ARHGEF2: variants seen among roughly 807,000 people sequenced by gnomAD.
ARHGEF2 encodes the protein Rho/Rac guanine nucleotide exchange factor 2, also known as rho guanine nucleotide exchange factor 2.
A neutral mutation model predicts 121.0 loss-of-function variants in ARHGEF2; 22 were observed. The ratio of observed to expected loss-of-function variants is 0.18; its 90% CI spans 0.13 to 0.26. ARHGEF2 has a LOEUF of 0.26. Ranked by LOEUF, ARHGEF2 falls within the 10% of genes least tolerant of loss-of-function variation. ARHGEF2 has a pLI of 1.00. For synonymous variants in ARHGEF2, 487 were observed against 530.0 expected (o/e 0.92, Z 1.11); for missense variants, 907 against 1,336.0 (o/e 0.68, Z 5.01).
At chr1:155,964,372 C>T (rs1167474201) in intron 7 of ARHGEF2, among the ~76,000 whole-genome samples, 1 of 151,326 alleles carries the variant, frequency 6.6e-6, no homozygotes, top group South Asian at 2.1e-4. Flanking sequence ...ACCTTATCAT[C>T]TCAAGCTGTG....
At chr1:155,949,949 G>C (rs1675082069) in intron 21 of ARHGEF2, among the ~76,000 whole-genome samples, 1 of 151,860 alleles carries the variant, frequency 6.6e-6, no homozygotes, top group South Asian at 2.1e-4. Flanking sequence ...TTGTAGAGAA[G>C]GTGGGTCTCA....
intron 11 of ARHGEF2, 84 bp from the exon 12 acceptor site, chr1:155,958,480 C>A (rs892766761): frequency 1.7e-6 from 2 of 1,160,222 alleles, no homozygotes; most frequent in South Asian, 1.3e-5. Flanking sequence ...CCAGGCTTAT[C>A]CCATCAGGTT....
intron 1 of ARHGEF2, among the ~76,000 whole-genome samples, chr1:155,971,514 A>G (rs1680451398): frequency 7.3e-6 from 1 of 136,254 alleles, no homozygotes; most frequent in African/African-American, 2.6e-5. Context: ...GGGAGGTTGG[A>G]GGTTGTGGTG....
intron 14 of ARHGEF2, 42 bp from the exon 15 acceptor site, chr1:155,952,870 G>T (rs749246385): frequency 6.2e-7 from 1 of 1,601,692 alleles, no homozygotes; most frequent in South Asian, 1.1e-5. Context: ...GGACGTAGGG[G>T]TATGCAAGAG....
intron 14 of ARHGEF2, 47 bp from the exon 15 acceptor site, chr1:155,952,875 C>T: frequency 6.3e-7 from 1 of 1,593,768 alleles, no homozygotes; most frequent in Non-Finnish European, 8.6e-7. Flanking sequence ...TAGGGGTATG[C>T]AAGAGCGCCA....
Position 155,965,217 on chromosome 1 carries a change from G to GTCCT in ARHGEF2, c.580+82_580+85dup. ...CCTTCTCTAGATCCCTTCCCTCCTT[G>GTCCT]TCCTTCCAGGCTACTCCCACCAGCC... is the stretch of plus-strand genomic sequence containing the variant. On this transcript the variant is annotated intron_variant, in intron 6 of 21. Coordinates refer to ENST00000361247, the MANE Select transcript of ARHGEF2 (RefSeq NM_001162383.2). The surrounding 1 kb of genome is among the most constrained non-coding windows in gnomAD (Gnocchi z 6.0). 6.2e-7 allele frequency: 1 copy of GTCCT among 1,606,642 alleles called. No individual in the cohort carries two copies. The highest frequency in any genetic ancestry group is 1.7e-5 in the Admixed American group (1 of 59,732).
chr1:155,976,689 A>G (rs1681353736), intron 1 of ARHGEF2, among the ~76,000 whole-genome samples: 1 of 136,928 alleles, frequency 7.3e-6, no homozygotes, highest in African/African-American at 2.7e-5. Flanking sequence ...GTGGAACCAA[A>G]TTTCTGCGGT....
Position 155,962,272 on chromosome 1 carries a change from G to C in ARHGEF2, c.1102-50C>G. ...GGGCCAGAGGGGAGGGCAACAGAAA[G>C]GCCTGGGGCCTGAGCTCTGGTGCTG... is the stretch of plus-strand genomic sequence containing the variant. On this transcript the variant is annotated intron_variant, in intron 9 of 21. Coordinates refer to ENST00000361247, the MANE Select transcript of ARHGEF2 (RefSeq NM_001162383.2). The surrounding 1 kb of genome is among the most constrained non-coding windows in gnomAD (Gnocchi z 5.8). The C allele has an allele frequency of 2.6e-6, 4 of 1,563,946 alleles. No individual in the cohort carries two copies. Among genetic ancestry groups the C allele is most frequent in the Non-Finnish European group, 3.5e-6 (4 of 1,137,822 alleles).
At chr1:155,964,680 G>T (rs1421174305) in intron 7 of ARHGEF2, among the ~76,000 whole-genome samples, 1 of 152,084 alleles carries the variant, frequency 6.6e-6, no homozygotes, top group Non-Finnish European at 1.5e-5. Context: ...AGCACTTTGG[G>T]AGGCTGAGGC....
intron 1 of ARHGEF2, among the ~76,000 whole-genome samples, chr1:155,977,577 T>G (rs571017919): frequency 6.6e-6 from 1 of 151,946 alleles, no homozygotes; most frequent in African/African-American, 2.4e-5. Context: ...CCTAAGGGTT[T>G]CAGGTTGGGA....
intron 1 of ARHGEF2, chr1:155,970,160 G>A: frequency 3.0e-6 from 3 of 985,298 alleles, no homozygotes; most frequent in Non-Finnish European, 3.6e-6. Context: ...TACCCAACTG[G>A]TCTCTCCCAT....
rs779976416 is a variant in ARHGEF2, at chr1:155,951,489, G to C, written c.2253C>G (p.Gly751=). 9 of 1,614,044 alleles carry C rather than the reference G, an allele frequency of 5.6e-6. No homozygotes were observed. The Admixed American group carries it at 1.3e-4, about 24-fold the overall frequency. Residue 751 remains glycine, a synonymous_variant, in exon 19 of 22, where the codon GGC becomes GGG. Transcript: ENST00000361247. This position sits in a 1 kb window ranked among gnomAD's most constrained non-coding sequence, Gnocchi z 5.1. The part of the protein sequence containing the change: ...RLVNLYGLLH[G]LQAAVAQQDT... ...AAGCCCTTGTCCTACTGACCTGTAG[G>C]CCATGTAGAAGTCCATAGAGATTGA...
At position 155,962,172 on chromosome 1, in the gene ARHGEF2, G is replaced by T. The variant is rs1678091472; in HGVS notation, c.1152C>A (p.Ile384=). The change falls in exon 10 of 22, where the codon ATC becomes ATA. Residue 384 remains isoleucine (I), a synonymous_variant. Transcript: ENST00000361247. This position sits in a 1 kb window ranked among gnomAD's most constrained non-coding sequence, Gnocchi z 5.8. The part of the protein sequence containing the change: ...VLKRHGVQEC[I]LLVTQRITKY... ...TGGTGATGCGCTGAGTCACCAGCAG[G>T]ATGCACTCCTGTACCCCGTGCCGCT... is the stretch of plus-strand genomic sequence containing the variant. The T allele has an allele frequency of 6.2e-7, 1 of 1,614,174 alleles. No individual in the cohort carries two copies.
intron 21 of ARHGEF2, among the ~76,000 whole-genome samples, chr1:155,948,374 A>G (rs1224065622): frequency 6.6e-6 from 1 of 152,210 alleles, no homozygotes; most frequent in Non-Finnish European, 1.5e-5. Context: ...TCGTGCTTAT[A>G]ATCCTAACAC....
chr1:155,978,877 C>T, upstream of ARHGEF2: 2 of 988,138 alleles, frequency 2.0e-6, no homozygotes, highest in Non-Finnish European at 1.2e-6. The surrounding 1 kb of genome is among the most constrained non-coding windows in gnomAD (Gnocchi z 4.1). Context: ...TCCCTTCTCC[C>T]CTCGCCCTCC....
Position 155,965,379 on chromosome 1 carries a change from G to A in ARHGEF2, c.504C>T (p.Arg168=), listed in dbSNP as rs1679159559. Residue 168 remains arginine, a synonymous_variant, in exon 6 of 22, where the codon CGC becomes CGT. Transcript: ENST00000361247. This position sits in a 1 kb window ranked among gnomAD's most constrained non-coding sequence, Gnocchi z 6.0. ...HFNDESPLGL[R]RILSQSTDSL... ...AGTCTGTGGACTGTGAGAGGATCCG[G>A]CGCAGCCCCAGGGGAGACTCATCAT... 9.9e-6 allele frequency: 16 copies of A among 1,614,194 alleles called. No homozygotes were observed. Among genetic ancestry groups the A allele is most frequent in the Non-Finnish European group, 1.2e-5 (14 of 1,180,032 alleles).
chr1:155,966,896 G>T lies in ARHGEF2; in HGVS notation c.209-9C>A. On this transcript the variant is annotated splice_polypyrimidine_tract_variant and intron_variant, in intron 2 of 21. Coordinates refer to ENST00000361247, the MANE Select transcript of ARHGEF2 (RefSeq NM_001162383.2). Reference sequence around the variant, plus strand: ...GATAGTCACATTGCAGGCTGGGAGGGTGGGGTAGAGAGGGTGAAGGGAGGG... The same window carrying T: ...GATAGTCACATTGCAGGCTGGGAGGTTGGGGTAGAGAGGGTGAAGGGAGGG... 1 of 1,613,490 alleles carries T rather than the reference G, an allele frequency of 6.2e-7. No homozygotes were observed. Among genetic ancestry groups the T allele is most frequent in the African/African-American group, 1.3e-5 (1 of 74,926 alleles).
In ARHGEF2 at chr1:155,963,021, T is replaced by C. The variant is rs898776951; in HGVS notation, c.887A>G (p.Gln296Arg). ...LSDIHTRFLSQLLERRRQALC... is the reference protein window; with the variant it reads ...LSDIHTRFLSRLLERRRQALC... ...GGCCTGGCGTCGGCGTTCTAATAGC[T>C]GGCTGAGGAAGCGTGTATGGATGTC... The change falls in exon 8 of 22, where the codon CAG becomes CGG. Residue 296 changes from glutamine (Q) to arginine (R), a missense_variant. Gln to Arg is a conservative substitution (Grantham distance 43). Around this residue, in one of 2 missense-constraint regions of ARHGEF2, gnomAD observed 475 missense variants for 776.5 expected, o/e 0.61. Transcript: ENST00000361247. 2 of 1,614,010 alleles carry C rather than the reference T, an allele frequency of 1.2e-6. No individual in the cohort carries two copies. The highest frequency in any genetic ancestry group is 1.7e-5 in the Admixed American group (1 of 59,994).
At chr1:155,957,413 A>C (rs775905944) in intron 13 of ARHGEF2, among the ~76,000 whole-genome samples, 2 of 152,258 alleles carry the variant, frequency 1.3e-5, no homozygotes, top group African/African-American at 4.8e-5. Flanking sequence ...ATGTGAATGC[A>C]GCTGAAATTG....
Sources: allele counts gnomAD v4.1 joint callset (sites outside exome capture counted in the v4.1 genomes callset), GRCh38; gene constraint gnomAD v4.1.1; regional missense constraint gnomAD v4.1.1; non-coding constraint Gnocchi (gnomAD v3.1); transcripts MANE v1.5; gene names NCBI Gene and HGNC (gene_info 2026-07-23, HGNC 2026-07-21).